The following RFX3 variants were observed in gnomAD, a reference collection of about 807,000 sequenced individuals.
The protein encoded by RFX3 is regulatory factor X3.
A neutral mutation model predicts 98.6 loss-of-function variants in RFX3; 14 were observed. The ratio of observed to expected loss-of-function variants is 0.14; its 90% confidence interval spans 0.09 to 0.22. The LOEUF (loss-of-function observed/expected upper bound fraction) is 0.22. Ranked by LOEUF, RFX3 falls within the 10% of genes least tolerant of loss-of-function variation. The probability of loss-of-function intolerance (pLI) is 1.00; values close to 1 mark genes in which losing one functional copy is unlikely to be tolerated. For missense variants in RFX3, 639 were observed against 926.9 expected (o/e 0.69, Z 4.03); for synonymous variants, 383 against 328.4 (o/e 1.17, Z -1.80).
In RFX3 at chr9:3,275,282, G is replaced by A. The variant is rs376240167; in HGVS notation, c.1086+218C>T. Among the ~76,000 whole-genome samples the A allele has an allele frequency of 2.0e-5, 3 of 152,202 alleles. No individual in the cohort carries two copies. In the East Asian group the frequency reaches 5.8e-4, roughly 29 times the overall value. ...AGGATTCATATTAGGATAGGCTTAA[G>A]AAATAGAGAATAAAACTTATTCTCA... On this transcript the variant is annotated intron_variant, in intron 9 of 16. Transcript: ENST00000617270.
At position 3,224,702 on chromosome 9, in the gene RFX3, C is replaced by T; in HGVS notation, c.*340G>A. On this transcript the variant is annotated 3_prime_UTR_variant, in exon 17 of 17. Coordinates refer to ENST00000617270, the MANE Select transcript of RFX3 (RefSeq NM_001282116.2). ...AAAACTTACACATGAAATCATACACCAAGACTAACAATCAACAATAAAATA... is the reference window on the plus strand; with the variant it reads ...AAAACTTACACATGAAATCATACACTAAGACTAACAATCAACAATAAAATA... 5.5e-6 allele frequency: 1 copy of T among 183,058 alleles called. No homozygotes were observed. Among genetic ancestry groups the T allele is most frequent in the East Asian group, 1.5e-4 (1 of 6,750 alleles). The allele number at this position is 183,058 out of a possible 1,614,324, so 11.3% of individuals were successfully genotyped here.
intron 6 of RFX3, among the ~76,000 whole-genome samples, chr9:3,292,061 CAAAAAAAAAAAAAAAAAAAAA>C (rs58788880): frequency 0.051 from 1,217 of 23,956 alleles, 23 homozygotes; most frequent in Middle Eastern, 0.21. Context: ...GACTCCATCT[CAAAAAAAAAAAAAAAAAAAAA>C]AAAAAAAAAA....
Position 3,228,973 on chromosome 9 carries a change from T to A in RFX3, c.1969-84A>T, listed in dbSNP as rs997010912. The A allele has an allele frequency of 5.1e-6, 6 of 1,187,900 alleles. No individual in the cohort carries two copies. The African/African-American group carries it at 6.2e-5, about 12-fold the overall frequency. 73.6% of individuals were successfully genotyped at this position (1,187,900 alleles called of 1,614,324 possible). A position where few individuals can be genotyped will look rare whatever the true frequency, so the allele number is the denominator to read the frequency against. On this transcript the variant is annotated intron_variant, in intron 15 of 16. Transcript: ENST00000617270. ...TATCAGTCTGTAGTAAAAATGCCAA[T>A]CTATGACTCTTTAAAACTGTAAACT...
At chr9:3,340,266 A>T (rs1262610624) in intron 3 of RFX3, among the ~76,000 whole-genome samples, 1 of 152,212 alleles carries the variant, frequency 6.6e-6, no homozygotes, top group Non-Finnish European at 1.5e-5. Context: ...GATGGATTAA[A>T]GACTTAAATG....
intron 4 of RFX3, among the ~76,000 whole-genome samples, chr9:3,301,887 G>A (rs2986687): frequency 0.19 from 29,440 of 151,686 alleles, 3,882 homozygotes; most frequent in African/African-American, 0.38. Context: ...GAAGAGCAGG[G>A]ACCCTGGTGG....
At chr9:3,503,886 G>C (rs1816322645) in intron 1 of RFX3, among the ~76,000 whole-genome samples, 1 of 151,698 alleles carries the variant, frequency 6.6e-6, no homozygotes, top group Non-Finnish European at 1.5e-5. Context: ...AGTAAACTAA[G>C]GGTATAACCA....
intron 1 of RFX3, among the ~76,000 whole-genome samples, chr9:3,519,425 G>T (rs1472974923): frequency 6.6e-6 from 1 of 152,096 alleles, no homozygotes; most frequent in Non-Finnish European, 1.5e-5. Flanking sequence ...ATTAAAAAAG[G>T]GATGGTCAAA....
At chr9:3,360,390 C>T (rs1836273161) in intron 2 of RFX3, among the ~76,000 whole-genome samples, 1 of 151,944 alleles carries the variant, frequency 6.6e-6, no homozygotes. Context: ...ATGACCTGAC[C>T]ATATCAGGTT....
At chr9:3,427,861 T>C (rs1844267179) in intron 1 of RFX3, among the ~76,000 whole-genome samples, 1 of 152,070 alleles carries the variant, frequency 6.6e-6, no homozygotes, top group African/African-American at 2.4e-5. Flanking sequence ...TGGATCCCCA[T>C]TTCTGTGCAG....
chr9:3,292,955 G>A, intron 6 of RFX3, 122 bp downstream of exon 6: 1 of 706,404 alleles, frequency 1.4e-6, no homozygotes, highest in Non-Finnish European at 2.2e-6. Context: ...TATAAACTGA[G>A]CTCATTCTAT....
chr9:3,353,913 T>C (rs56829164), intron 2 of RFX3, among the ~76,000 whole-genome samples: 10,823 of 151,958 alleles, frequency 0.071, 475 homozygotes, highest in African/African-American at 0.12. Context: ...AAACAGCTAT[T>C]ATGAATAGAC....
intron 5 of RFX3, among the ~76,000 whole-genome samples, 196 bp from the exon 6 acceptor site, chr9:3,293,454 C>A (rs1563875352): frequency 6.6e-6 from 1 of 152,166 alleles, no homozygotes; most frequent in Non-Finnish European, 1.5e-5. Flanking sequence ...CTGAACATCA[C>A]TAAGGATCTC....
At chr9:3,473,015 CATT>C (rs1564147243) in intron 1 of RFX3, among the ~76,000 whole-genome samples, 1 of 152,104 alleles carries the variant, frequency 6.6e-6, no homozygotes, top group Non-Finnish European at 1.5e-5. Context: ...TTAAAACACT[CATT>C]AAAAAATAGC....
At chr9:3,267,373 A>T (rs1302905833) in intron 11 of RFX3, among the ~76,000 whole-genome samples, 2 of 151,924 alleles carry the variant, frequency 1.3e-5, no homozygotes, top group African/African-American at 4.8e-5. Context: ...AATATTACGG[A>T]TGGGCTTAAA....
intron 1 of RFX3, among the ~76,000 whole-genome samples, chr9:3,439,395 G>C (rs1011330785): frequency 6.6e-6 from 1 of 151,762 alleles, no homozygotes; most frequent in African/African-American, 2.4e-5. Flanking sequence ...CTTTGAAATG[G>C]TCAACAAAAC....
intron 4 of RFX3, among the ~76,000 whole-genome samples, chr9:3,308,644 T>C (rs1388639385): frequency 1.3e-5 from 2 of 152,164 alleles, no homozygotes; most frequent in Non-Finnish European, 2.9e-5. Flanking sequence ...CAAAGTGCTA[T>C]GGAACATAAA....
chr9:3,504,315 TATTA>T (rs1406038284), intron 1 of RFX3, among the ~76,000 whole-genome samples: 4 of 134,924 alleles, frequency 3.0e-5, no homozygotes, highest in East Asian at 4.1e-4. Flanking sequence ...ACATAGCATA[TATTA>T]TATATAAAAT....
rs1300494848 is a variant in RFX3, at chr9:3,244,048, CTGGAGT to C, written c.1968+3978_1968+3983del. ...ATGGAGTCCCGCTTTGTCGCCCAGGCTGGAGTGCAGTGGCGTGACCTTGTCTCACTG... is the reference window on the plus strand; with the variant it reads ...ATGGAGTCCCGCTTTGTCGCCCAGGCGCAGTGGCGTGACCTTGTCTCACTG... On this transcript the variant is annotated intron_variant, in intron 15 of 16. Transcript: ENST00000617270. 2.0e-5 allele frequency among the ~76,000 whole-genome samples: 3 copies of C among 150,700 alleles called. No homozygotes were observed. The East Asian group carries it at 5.8e-4, about 29-fold the overall frequency.
intron 16 of RFX3, among the ~76,000 whole-genome samples, chr9:3,228,393 A>ATCT (rs1164014443): frequency 2.6e-5 from 4 of 152,178 alleles, no homozygotes; most frequent in Admixed American, 6.5e-5. Flanking sequence ...ACCACTACTA[A>ATCT]TCTTGCATTT....
Sources: allele counts gnomAD v4.1 joint callset (sites outside exome capture counted in the v4.1 genomes callset), GRCh38; gene constraint gnomAD v4.1.1; transcripts MANE v1.5; gene names NCBI Gene and HGNC (gene_info 2026-07-23, HGNC 2026-07-21).